The following ARMH1 variants were observed in gnomAD, a reference collection of about 807,000 sequenced individuals.
ARMH1 encodes armadillo-like helical domain containing protein 1.
In ARMH1, 34 loss-of-function variants were observed where a neutral mutation model predicts 50.2. The ratio of observed to expected loss-of-function variants is 0.68; its 90% CI spans 0.51 to 0.90. ARMH1 has a LOEUF of 0.90. Among genes scored for constraint, ARMH1 ranks in the 40% least tolerant of loss-of-function variants. The pLI, the probability that ARMH1 is intolerant of heterozygous loss-of-function variation, is 0.00. For missense variants in ARMH1, 538 were observed against 553.9 expected, an observed-to-expected ratio of 0.97 and a Z score of 0.29; for synonymous variants, 221 against 224.2, an observed-to-expected ratio of 0.99 and a Z score of 0.13.
chr1:44,685,231 A>C (rs1028356949), intron 1 of ARMH1, among the ~76,000 whole-genome samples: 1 of 152,202 alleles, frequency 6.6e-6, no homozygotes, highest in Non-Finnish European at 1.5e-5. Context: ...GAGTGAAAAA[A>C]ATAGACAAAG....
chr1:44,689,948 G>A (rs187961882), intron 2 of ARMH1, 45 bp downstream of exon 2: 51 of 1,519,062 alleles, frequency 3.4e-5, no homozygotes, highest in East Asian at 4.9e-5. Flanking sequence ...CACCGGGCAC[G>A]GTGGCTCACG....
chr1:44,696,979 G>A, intron 2 of ARMH1, 123 bp from the exon 3 acceptor site: 3 of 685,592 alleles, frequency 4.4e-6, no homozygotes, highest in East Asian at 2.7e-5. Context: ...TCCTCTCAGG[G>A]TAAAGAGGCA....
rs1645374470 is a variant in ARMH1 at position 44,683,452 on chromosome 1, TGAGAA to T, written c.-22-6218_-22-6214del. 6.6e-6 allele frequency among the ~76,000 whole-genome samples: 1 copy of T among 152,142 alleles called. No homozygotes were observed. The highest frequency in any genetic ancestry group is 6.5e-5 in the Admixed American group (1 of 15,278). On this transcript the variant is annotated intron_variant, in intron 1 of 11. Coordinates refer to ENST00000535358, the MANE Select transcript of ARMH1 (RefSeq NM_001145636.2). This position sits in a 1 kb window ranked among gnomAD's most constrained non-coding sequence, Gnocchi z 4.2. ...GAGGTCACCCAGGGATTACAAAGCA[TGAGAA>T]GAGAACTAAGAACGGGAAAACGACC...
intron 4 of ARMH1, among the ~76,000 whole-genome samples, 199 bp from the exon 5 acceptor site, chr1:44,700,724 A>G (rs928354830): frequency 5.3e-5 from 8 of 152,150 alleles, no homozygotes; most frequent in Non-Finnish European, 2.9e-5. Flanking sequence ...TGACATGCCT[A>G]TGCTGAAATA....
intron 6 of ARMH1, among the ~76,000 whole-genome samples, chr1:44,714,077 G>C (rs1041651686): frequency 1.3e-5 from 2 of 151,436 alleles, no homozygotes; most frequent in African/African-American, 4.9e-5. Context: ...AGACCATCTG[G>C]CTAACACGAT....
intron 1 of ARMH1, among the ~76,000 whole-genome samples, chr1:44,680,592 GA>G (rs1312840213): frequency 6.6e-6 from 1 of 152,210 alleles, no homozygotes; most frequent in Non-Finnish European, 1.5e-5. Flanking sequence ...GAAGCTTACG[GA>G]AAAAGTAGTT....
intron 6 of ARMH1, among the ~76,000 whole-genome samples, chr1:44,704,511 T>C (rs1646248162): frequency 7.7e-6 from 1 of 130,560 alleles, no homozygotes; most frequent in African/African-American, 2.8e-5. Flanking sequence ...TGGTTGTTTT[T>C]GCTGGGTTTT....
rs1423194471 is a variant in ARMH1 at position 44,683,895 on chromosome 1, G to A, written c.-22-5781G>A. On this transcript the variant is annotated intron_variant, in intron 1 of 11. Coordinates refer to ENST00000535358, the MANE Select transcript of ARMH1 (RefSeq NM_001145636.2). The surrounding 1 kb of genome is among the most constrained non-coding windows in gnomAD (Gnocchi z 4.2). Reference sequence around the variant, plus strand: ...AGGCAGGGTGCGGTGGCTCACACCTGTAATTCCAGCACTTTGGGAGGCCAA... The same window carrying A: ...AGGCAGGGTGCGGTGGCTCACACCTATAATTCCAGCACTTTGGGAGGCCAA... Among the ~76,000 whole-genome samples, 1 of 152,164 alleles carries A rather than the reference G, an allele frequency of 6.6e-6. No homozygotes were observed. The highest frequency in any genetic ancestry group is 1.5e-5 in the Non-Finnish European group (1 of 68,040).
intron 1 of ARMH1, 97 bp from the exon 2 acceptor site, chr1:44,689,579 A>G: frequency 1.0e-6 from 1 of 955,074 alleles, no homozygotes; most frequent in African/African-American, 1.6e-5. Context: ...TTTGCATGAT[A>G]AAGCCACACC....
At position 44,724,953 on chromosome 1, in the gene ARMH1, A is replaced by G. The variant is rs1311278918; in HGVS notation, c.1128+114A>G. ...CGCCACATGCAGAGTGGACCTGGCC[A>G]CCAGCTGCAGGAGGGACTGCTCTGG... is the stretch of plus-strand genomic sequence containing the variant. On this transcript the variant is annotated intron_variant, in intron 10 of 11. Coordinates refer to ENST00000535358, the MANE Select transcript of ARMH1 (RefSeq NM_001145636.2). This position sits in a 1 kb window ranked among gnomAD's most constrained non-coding sequence, Gnocchi z 6.4. The G allele has an allele frequency of 2.0e-6, 3 of 1,497,690 alleles. No homozygotes were observed. In the African/African-American group the frequency reaches 4.2e-5, roughly 21 times the overall value. The allele number at this position is 1,497,690 out of a possible 1,614,324, so 92.8% of individuals were successfully genotyped here.
intron 6 of ARMH1, among the ~76,000 whole-genome samples, chr1:44,709,478 C>T (rs539979449): frequency 1.3e-3 from 194 of 152,272 alleles, no homozygotes; most frequent in Non-Finnish European, 2.3e-3. Context: ...CGAGACCATC[C>T]TGGCTAACAC....
chr1:44,680,868 C>T (rs1302634386), intron 1 of ARMH1, among the ~76,000 whole-genome samples: 1 of 152,120 alleles, frequency 6.6e-6, no homozygotes, highest in Non-Finnish European at 1.5e-5. Flanking sequence ...GTCACCAGGC[C>T]CTGTTTCTTC....
chr1:44,697,971 A>T, intron 3 of ARMH1, 92 bp from the exon 4 acceptor site: 3 of 1,011,824 alleles, frequency 3.0e-6, no homozygotes, highest in South Asian at 2.3e-5. Flanking sequence ...AGGGCAAAGT[A>T]TGTAAAGAGG....
At chr1:44,675,339 A>C (rs1645099229) in intron 1 of ARMH1, among the ~76,000 whole-genome samples, 1 of 152,128 alleles carries the variant, frequency 6.6e-6, no homozygotes, top group African/African-American at 2.4e-5. Context: ...CTGGGCCTTG[A>C]AAGACTTTTA....
chr1:44,711,287 T>C (rs1035584883), intron 6 of ARMH1, among the ~76,000 whole-genome samples: 1 of 152,240 alleles, frequency 6.6e-6, no homozygotes, highest in African/African-American at 2.4e-5. Context: ...TCCACAGTAG[T>C]TGTACCATTT....
At chr1:44,684,649 G>T (rs1645410364) in intron 1 of ARMH1, 1 of 152,224 alleles carries the variant, frequency 6.6e-6, no homozygotes, top group Non-Finnish European at 1.5e-5. Flanking sequence ...CTGAAGGTCA[G>T]AAATGAGGTA....
chr1:44,681,362 G>A lies in ARMH1; in HGVS notation c.-23+6489G>A, dbSNP rs1645308985. On this transcript the variant is annotated intron_variant, in intron 1 of 11. Coordinates refer to ENST00000535358, the MANE Select transcript of ARMH1 (RefSeq NM_001145636.2). The surrounding 1 kb of genome is among the most constrained non-coding windows in gnomAD (Gnocchi z 4.3). ...ATGGTGGTGCACACCCATAGTCCTAGCTACTCAGGAGGCTGAGGCAGGAGG... is the reference window on the plus strand; with the variant it reads ...ATGGTGGTGCACACCCATAGTCCTAACTACTCAGGAGGCTGAGGCAGGAGG... Among the ~76,000 whole-genome samples, 1 of 152,126 alleles carries A rather than the reference G, an allele frequency of 6.6e-6. No homozygotes were observed. The highest frequency in any genetic ancestry group is 1.5e-5 in the Non-Finnish European group (1 of 68,026).
Position 44,682,303 on chromosome 1 carries a change from C to T in ARMH1, c.-22-7373C>T, listed in dbSNP as rs779840096. 2.8e-4 allele frequency among the ~76,000 whole-genome samples: 43 copies of T among 152,090 alleles called. No homozygotes were observed. Among genetic ancestry groups the T allele is most frequent in the Non-Finnish European group, 5.1e-4 (35 of 68,024 alleles). ...GCTCTTGAGTAAACAGGAAGGCTTACGTGTCAAAGTCATTGATCGGCACTG... is the reference window on the plus strand; with the variant it reads ...GCTCTTGAGTAAACAGGAAGGCTTATGTGTCAAAGTCATTGATCGGCACTG... On this transcript the variant is annotated intron_variant, in intron 1 of 11. Coordinates refer to ENST00000535358, the MANE Select transcript of ARMH1 (RefSeq NM_001145636.2). This position sits in a 1 kb window ranked among gnomAD's most constrained non-coding sequence, Gnocchi z 4.5.
chr1:44,699,283 CAA>C (rs75158327), intron 4 of ARMH1, among the ~76,000 whole-genome samples: 11 of 42,582 alleles, frequency 2.6e-4, no homozygotes, highest in African/African-American at 2.4e-4. Context: ...GACTCCGTCT[CAA>C]AAAAAAAAAA....
Sources: gnomAD v4.1 joint callset for allele counts (sites outside exome capture counted in the v4.1 genomes callset) on GRCh38, gnomAD v4.1.1 for gene constraint, Gnocchi (gnomAD v3.1) non-coding constraint, MANE v1.5 for transcripts, NCBI Gene and HGNC (gene_info 2026-07-23, HGNC 2026-07-21) for gene names.